The following EPHA6 variants were observed in gnomAD, a reference collection of about 807,000 sequenced individuals.
The protein encoded by EPHA6 is EPH receptor A6, also known as ephrin type-A receptor 6.
In EPHA6, 50 loss-of-function variants were observed where a neutral mutation model predicts 112.0. That is an observed-to-expected ratio of 0.45 (90% CI 0.36 to 0.56). EPHA6 has a LOEUF of 0.56. Ranked by LOEUF, EPHA6 falls within the 20% of genes least tolerant of loss-of-function variation. The pLI is 0.00. For synonymous variants in EPHA6, 529 were observed against 490.7 expected, an observed-to-expected ratio of 1.08 and a Z score of -1.03; for missense variants, 1,280 against 1,417.4, an observed-to-expected ratio of 0.90 and a Z score of 1.56.
intron 3 of EPHA6, among the ~76,000 whole-genome samples, chr3:97,014,334 C>T (rs1576323479): frequency 6.6e-6 from 1 of 151,676 alleles, no homozygotes; most frequent in Admixed American, 6.6e-5. Context: ...CCCTCCTTCC[C>T]TCCCTTCCTC....
chr3:97,145,694 TA>T (rs1236174499), intron 3 of EPHA6, among the ~76,000 whole-genome samples: 1 of 151,736 alleles, frequency 6.6e-6, no homozygotes. Flanking sequence ...ATAGGTTTTT[TA>T]TTTTGTGTCA....
chr3:96,911,422 T>G (rs2039207768), intron 2 of EPHA6, among the ~76,000 whole-genome samples: 1 of 152,044 alleles, frequency 6.6e-6, no homozygotes, highest in Non-Finnish European at 1.5e-5. Context: ...TAAGAACAAC[T>G]TATTTTAATA....
intron 2 of EPHA6, among the ~76,000 whole-genome samples, chr3:96,973,579 TG>T (rs979436813): frequency 1.3e-5 from 2 of 151,898 alleles, no homozygotes; most frequent in African/African-American, 4.8e-5. Flanking sequence ...CCCAGCACTT[TG>T]GGAGGCTGAG....
intron 11 of EPHA6, among the ~76,000 whole-genome samples, chr3:97,552,611 T>C (rs1434669482): frequency 6.6e-6 from 1 of 152,138 alleles, no homozygotes; most frequent in Admixed American, 6.6e-5. Flanking sequence ...ATGAGAAAAG[T>C]CATGCTGCAG....
Position 96,957,879 on chromosome 3 carries a change from G to A in EPHA6, c.451-29451G>A, listed in dbSNP as rs141564420. Among the ~76,000 whole-genome samples, 21 of 152,088 alleles carry A rather than the reference G, an allele frequency of 1.4e-4. No homozygotes were observed. The East Asian group carries it at 4.1e-3, about 29-fold the overall frequency. ...TATGCATTCATCAGGTGATCATATT[G>A]GGTTGTTTTCACTACATGTGGAAAC... On this transcript the variant is annotated intron_variant, in intron 2 of 17. Coordinates refer to ENST00000389672, the MANE Select transcript of EPHA6 (RefSeq NM_001080448.3).
At chr3:97,722,936 T>C (rs2034596149) in intron 15 of EPHA6, among the ~76,000 whole-genome samples, 1 of 152,158 alleles carries the variant, frequency 6.6e-6, no homozygotes, top group Non-Finnish European at 1.5e-5. Flanking sequence ...ATGTGGACTA[T>C]AACTCAACCA....
intron 14 of EPHA6, among the ~76,000 whole-genome samples, chr3:97,662,126 G>A (rs1576230674): frequency 1.3e-5 from 2 of 152,032 alleles, no homozygotes; most frequent in East Asian, 3.9e-4. Context: ...AAAACTAACA[G>A]CTGAGGGAAA....
chr3:97,303,298 A>C (rs894351969), intron 5 of EPHA6, among the ~76,000 whole-genome samples: 4 of 151,962 alleles, frequency 2.6e-5, no homozygotes, highest in African/African-American at 9.7e-5. Flanking sequence ...TATAAGGACA[A>C]AAAAAATAAG....
chr3:97,697,425 T>A (rs1370965838), intron 14 of EPHA6, among the ~76,000 whole-genome samples: 1 of 152,156 alleles, frequency 6.6e-6, no homozygotes, highest in Non-Finnish European at 1.5e-5. Flanking sequence ...TAAAGGACAT[T>A]TTCTGTAACC....
chr3:97,218,366 T>TA (rs201919478), intron 3 of EPHA6, among the ~76,000 whole-genome samples: 1,905 of 152,196 alleles, frequency 0.013, 45 homozygotes, highest in African/African-American at 0.042. Flanking sequence ...AGGTAATTTA[T>TA]AAAAAATAGA....
At chr3:97,449,108 G>A (rs1342191500) in intron 7 of EPHA6, among the ~76,000 whole-genome samples, 2 of 152,102 alleles carry the variant, frequency 1.3e-5, no homozygotes, top group African/African-American at 4.8e-5. Flanking sequence ...TTTTATCTCA[G>A]TCAATAAAAA....
chr3:97,658,220 C>T (rs1453730812), intron 14 of EPHA6, among the ~76,000 whole-genome samples: 1 of 151,638 alleles, frequency 6.6e-6, no homozygotes, highest in Admixed American at 6.6e-5. Context: ...AGACTATGAG[C>T]CCTGATTTTT....
At chr3:97,261,618 T>A (rs2079506627) in intron 5 of EPHA6, among the ~76,000 whole-genome samples, 1 of 152,202 alleles carries the variant, frequency 6.6e-6, no homozygotes, top group African/African-American at 2.4e-5. Flanking sequence ...TTAAGTGACT[T>A]CCTACTTGAC....
chr3:97,238,051 A>G (rs1161934392), intron 4 of EPHA6, among the ~76,000 whole-genome samples: 1 of 152,012 alleles, frequency 6.6e-6, no homozygotes, highest in African/African-American at 2.4e-5. Context: ...TGATAAGGAT[A>G]GTTGATAGCT....
At chr3:97,311,442 TCACACACACACA>T (rs35415439) in intron 5 of EPHA6, among the ~76,000 whole-genome samples, 38 of 144,154 alleles carry the variant, frequency 2.6e-4, no homozygotes, top group African/African-American at 8.0e-4. Context: ...GATTACACTT[TCACACACACACA>T]CACACACACA....
At chr3:97,283,575 A>G (rs772009459) in intron 5 of EPHA6, among the ~76,000 whole-genome samples, 1 of 152,066 alleles carries the variant, frequency 6.6e-6, no homozygotes, top group Non-Finnish European at 1.5e-5. Context: ...GTTGCTAAAC[A>G]GTCTACACAT....
intron 2 of EPHA6, among the ~76,000 whole-genome samples, chr3:96,968,094 T>C (rs183652842): frequency 1.3e-5 from 2 of 151,886 alleles, no homozygotes; most frequent in East Asian, 3.9e-4. Context: ...AGTTTTTCTA[T>C]TTTATCGGGT....
At chr3:97,326,746 A>T (rs75251253) in intron 5 of EPHA6, among the ~76,000 whole-genome samples, 2,296 of 152,198 alleles carry the variant, frequency 0.015, 50 homozygotes, top group African/African-American at 0.051. Context: ...GAACAAAATG[A>T]TTCTAAACAA....
chr3:96,932,929 A>G (rs895889886), intron 2 of EPHA6, among the ~76,000 whole-genome samples: 5 of 152,080 alleles, frequency 3.3e-5, no homozygotes, highest in Middle Eastern at 3.2e-3. Flanking sequence ...AATTTTTTTT[A>G]ATTTACTATA....
Sources: allele counts gnomAD v4.1 joint callset (sites outside exome capture counted in the v4.1 genomes callset), GRCh38; gene constraint gnomAD v4.1.1; transcripts MANE v1.5; gene names NCBI Gene and HGNC (gene_info 2026-07-23, HGNC 2026-07-21).